The following GHRHR variants were observed in gnomAD, a reference collection of about 807,000 sequenced individuals.
The protein encoded by GHRHR is growth hormone-releasing hormone receptor.
Under a neutral mutation model 58.3 loss-of-function variants are expected in GHRHR, and 40 were observed. The ratio of observed to expected loss-of-function variants is 0.69; its 90% CI spans 0.53 to 0.89. The LOEUF (loss-of-function observed/expected upper bound fraction) is 0.89, where lower values mean the gene tolerates loss of function less well. Ranked by LOEUF, GHRHR falls within the 40% of genes least tolerant of loss-of-function variation. GHRHR has a pLI of 0.00. For synonymous variants in GHRHR, 249 were observed against 216.6 expected, an observed-to-expected ratio of 1.15 and a Z score of -1.31; for missense variants, 551 against 541.3, an observed-to-expected ratio of 1.02 and a Z score of -0.18.
In GHRHR at chr7:30,974,963, C is replaced by A; in HGVS notation, c.813-8C>A. The A allele has an allele frequency of 6.2e-7, 1 of 1,601,154 alleles. No homozygotes were observed. Among genetic ancestry groups the A allele is most frequent in the Non-Finnish European group, 8.6e-7 (1 of 1,168,180 alleles). ...TTCCAACAACGGCCTTCTTTCCTCT[C>A]TCCCCAGGTGCTGGGACCTGGACGA... On this transcript the variant is annotated splice_polypyrimidine_tract_variant and splice_region_variant and intron_variant, in intron 8 of 12. Transcript: ENST00000326139.
In GHRHR at chr7:30,969,910, C is replaced by T. The variant is rs1792446730; in HGVS notation, c.312C>T (p.Pro104=). Reference sequence around the variant, plus strand: ...GTACTATCACTGGCTGGTCTGAGCCCTTTCCACCTTACCCTGTGGCCTGCC... The same window carrying T: ...GTACTATCACTGGCTGGTCTGAGCCTTTTCCACCTTACCCTGTGGCCTGCC... ...RDCTITGWSE[P]FPPYPVACPV... The change falls in exon 4 of 13, where the codon CCC becomes CCT. Residue 104 remains proline (P), a synonymous_variant. Transcript: ENST00000326139. 1.3e-6 allele frequency: 2 copies of T among 1,598,512 alleles called. No individual in the cohort carries two copies. The highest frequency in any genetic ancestry group is 1.7e-6 in the Non-Finnish European group (2 of 1,165,714).
chr7:30,977,195 G>T, intron 11 of GHRHR, 86 bp from the exon 12 acceptor site: 1 of 1,262,750 alleles, frequency 7.9e-7, no homozygotes, highest in Non-Finnish European at 1.2e-6. Context: ...CTGGGGATGA[G>T]TAGGGAAAAG....
chr7:30,965,062 C>A (rs776664773), intron 1 of GHRHR, among the ~76,000 whole-genome samples: 63 of 152,280 alleles, frequency 4.1e-4, no homozygotes, highest in Non-Finnish European at 7.9e-4. Context: ...CTGAGTCTTG[C>A]TTTTATCTCT....
In GHRHR at chr7:30,972,113, A is replaced by C; in HGVS notation, c.597+18A>C. 1 of 1,613,450 alleles carries C rather than the reference A, an allele frequency of 6.2e-7. No homozygotes were observed. The highest frequency in any genetic ancestry group is 8.5e-7 in the Non-Finnish European group (1 of 1,179,828). ...TCTCCACTGTAATGGCCATGGGTGA[A>C]GGGGCTGGGCAGGTGGGGGAGAGAG... On this transcript the variant is annotated intron_variant, in intron 6 of 12. Transcript: ENST00000326139.
In GHRHR at chr7:30,971,155, G is replaced by C; in HGVS notation, c.403G>C (p.Val135Leu). The C allele has an allele frequency of 6.6e-7, 1 of 1,526,466 alleles. No individual in the cohort carries two copies. 94.6% of individuals were successfully genotyped at this position (1,526,466 alleles called of 1,614,324 possible). The stretch of plus-strand genomic sequence containing the variant: ...CTCCACAGTGAAGATTATCTACACC[G>C]TGGGCCATAGCATCTCTATTGTAGC... ...YFSTVKIIYT[V>L]GHSISIVALF... The change falls in exon 5 of 13, where the codon GTG becomes CTG. Residue 135 changes from valine to leucine, a missense_variant. Val to Leu is a conservative substitution (Grantham distance 32). Transcript: ENST00000326139.
chr7:30,971,348 T>C (rs1356314280), intron 5 of GHRHR, 132 bp downstream of exon 5: 11 of 699,188 alleles, frequency 1.6e-5, no homozygotes, highest in Non-Finnish European at 2.9e-5. Flanking sequence ...TAACTTTCCC[T>C]TCCCTTTTCC....
rs200623488 is a variant in GHRHR, at chr7:30,972,059, C to T, written c.561C>T (p.Phe187=). The change falls in exon 6 of 13, where the codon TTC becomes TTT. Residue 187 remains phenylalanine (F), a synonymous_variant. Coordinates refer to ENST00000326139, the MANE Select transcript of GHRHR (RefSeq NM_000823.4). ...GAVFLKDAAL[F]HSDDTDHCSF... ...TGTTCCTGAAGGATGCTGCCCTTTT[C>T]CACAGCGACGACACTGACCACTGCA... The T allele has an allele frequency of 6.8e-6, 11 of 1,614,122 alleles. No individual in the cohort carries two copies. The highest frequency in any genetic ancestry group is 9.3e-6 in the Non-Finnish European group (11 of 1,180,016).
Position 30,969,060 on chromosome 7 carries a change from C to T in GHRHR, c.161-3C>T. 1 of 1,577,746 alleles carries T rather than the reference C, an allele frequency of 6.3e-7. No homozygotes were observed. The highest frequency in any genetic ancestry group is 8.6e-7 in the Non-Finnish European group (1 of 1,160,788). On this transcript the variant is annotated splice_region_variant and splice_polypyrimidine_tract_variant and intron_variant, in intron 2 of 12. Transcript: ENST00000326139. ...TCTCTGCTGCTCCTGGCTCTCTATC[C>T]AGGCTGCCCTGCGACCTGGGATGGG...
Position 30,975,706 on chromosome 7 carries a change from G to A in GHRHR, c.883-71G>A, listed in dbSNP as rs1045579419. The A allele has an allele frequency of 2.1e-5, 18 of 847,482 alleles. No individual in the cohort carries two copies. The African/African-American group carries it at 2.7e-4, about 12-fold the overall frequency. The allele number at this position is 847,482 out of a possible 1,614,324, so 52.5% of individuals were successfully genotyped here. ...AAATTTTCTAGTCCCCAAATGGGCT[G>A]GGGCTCACCCCAGCCACCCAAGGCT... On this transcript the variant is annotated intron_variant, in intron 9 of 12. Transcript: ENST00000326139.
In GHRHR at chr7:30,968,640, C is replaced by CCCTTCCTTCCTTCCTTCCTT. The variant is rs760999972; in HGVS notation, c.58-187_58-168dup. Among the ~76,000 whole-genome samples, 122 of 81,862 alleles carry CCCTTCCTTCCTTCCTTCCTT rather than the reference C, an allele frequency of 1.5e-3. 1 individual carries two copies. In the East Asian group the frequency reaches 0.015, roughly 10 times the overall value. The allele number at this position is 81,862 out of a possible 152,430, so 53.7% of individuals were successfully genotyped here. On this transcript the variant is annotated intron_variant, in intron 1 of 12. Transcript: ENST00000326139. ...TCCCTCCCTCCCTCCCTCCCTCCCT[C>CCCTTCCTTCCTTCCTTCCTT]CCTTCCTTCCTTCCTTCCTTCCTTC... is the stretch of plus-strand genomic sequence containing the variant.
rs774400027 is a variant in GHRHR at position 30,979,171 on chromosome 7, C to G, written c.1199C>G (p.Pro400Arg). Residue 400 changes from proline to arginine, a missense_variant, in exon 13 of 13, where the codon CCA becomes CGA. By Grantham distance (103) the Pro-to-Arg change is moderately radical. Transcript: ENST00000326139. ...CATGGCCATGACCCTGAGCTTCTGC[C>G]AGCCTGGAGGACCCGTGCTAAGTGG... ...KWHGHDPELLPAWRTRAKWTT... is the reference protein window; with the variant it reads ...KWHGHDPELLRAWRTRAKWTT... 1 of 1,613,672 alleles carries G rather than the reference C, an allele frequency of 6.2e-7. No homozygotes were observed. Among genetic ancestry groups the G allele is most frequent in the Non-Finnish European group, 8.5e-7 (1 of 1,179,554 alleles).
chr7:30,968,900 C>T lies in GHRHR; in HGVS notation c.124C>T (p.Leu42=), dbSNP rs2128597172. 5.6e-6 allele frequency: 9 copies of T among 1,613,776 alleles called. No homozygotes were observed. The highest frequency in any genetic ancestry group is 5.9e-6 in the Non-Finnish European group (7 of 1,179,784). The change falls in exon 2 of 13, where the codon CTA becomes TTA. Residue 42 remains leucine (L), a synonymous_variant. Coordinates refer to ENST00000326139, the MANE Select transcript of GHRHR (RefSeq NM_000823.4). ...GCTGAGAGAGGATGAGAGTGCCTGT[C>T]TACAAGCAGCAGAGGAGATGCCCAA... The part of the protein sequence containing the change: ...TQLREDESAC[L]QAAEEMPNTT...
In GHRHR at chr7:30,974,088, C is replaced by A; in HGVS notation, c.701C>A (p.Thr234Asn). The A allele has an allele frequency of 6.2e-7, 1 of 1,614,138 alleles. No homozygotes were observed. The highest frequency in any genetic ancestry group is 1.3e-5 in the African/African-American group (1 of 75,038). ...TACCTGAACTGCCTCCTGGCCTCCACCTCCCCCAGCTCAAGGAGAGCCTTC... is the reference window on the plus strand; with the variant it reads ...TACCTGAACTGCCTCCTGGCCTCCAACTCCCCCAGCTCAAGGAGAGCCTTC... ...AVYLNCLLAS[T>N]SPSSRRAFWW... Residue 234 changes from threonine (T) to asparagine (N), a missense_variant, in exon 7 of 13, where the codon ACC becomes AAC. By Grantham distance (65) the Thr-to-Asn change is moderately conservative. Transcript: ENST00000326139.
In GHRHR at chr7:30,971,064, T is replaced by C. The variant is rs901989576; in HGVS notation, c.367-55T>C. 18 of 794,804 alleles carry C rather than the reference T, an allele frequency of 2.3e-5. No individual in the cohort carries two copies. In the East Asian group the frequency reaches 3.5e-4, roughly 15 times the overall value. 49.2% of individuals were successfully genotyped at this position (794,804 alleles called of 1,614,324 possible). A position where few individuals can be genotyped will look rare whatever the true frequency, so the allele number is the denominator to read the frequency against. On this transcript the variant is annotated intron_variant, in intron 4 of 12. Coordinates refer to ENST00000326139, the MANE Select transcript of GHRHR (RefSeq NM_000823.4). ...TTCACCTGCTTGATTGTCAAGCCTC[T>C]CTTTCCTCCAAAGGCCCAGAAGCTG... is the stretch of plus-strand genomic sequence containing the variant.
chr7:30,965,905 G>A (rs549276523), intron 1 of GHRHR, among the ~76,000 whole-genome samples: 3 of 152,326 alleles, frequency 2.0e-5, no homozygotes, highest in South Asian at 2.1e-4. Context: ...GAGACGCAAC[G>A]GGGCTCTGCC....
chr7:30,966,468 C>A (rs1251096066), intron 1 of GHRHR, among the ~76,000 whole-genome samples: 1 of 152,032 alleles, frequency 6.6e-6, no homozygotes, highest in African/African-American at 2.4e-5. Context: ...ACACCTTTTC[C>A]CACTTCCCTT....
rs369741931 is a variant in GHRHR, at chr7:30,979,250, C to G, written c.*6C>G. The G allele has an allele frequency of 1.9e-6, 3 of 1,613,454 alleles. No individual in the cohort carries two copies. Among genetic ancestry groups the G allele is most frequent in the Non-Finnish European group, 2.5e-6 (3 of 1,179,734 alleles). On this transcript the variant is annotated 3_prime_UTR_variant, in exon 13 of 13. Coordinates refer to ENST00000326139, the MANE Select transcript of GHRHR (RefSeq NM_000823.4). ...TGCTGACATCTATGTGCTAGGCTGC[C>G]TCATCACGCCACTGGAGTCCACACT... is the stretch of plus-strand genomic sequence containing the variant.
rs745989289 is a variant in GHRHR, at chr7:30,969,001, C to T, written c.161-62C>T. The T allele has an allele frequency of 2.8e-4, 436 of 1,545,574 alleles. 2 individuals are homozygous for T. Among genetic ancestry groups the T allele is most frequent in the Middle Eastern group, 1.7e-3 (10 of 5,926 alleles). Reference sequence around the variant, plus strand: ...CTTTATATCCTCCAGCCTCACCCCTCGGATTATTGGGACAGCCCTGCACCT... The same window carrying T: ...CTTTATATCCTCCAGCCTCACCCCTTGGATTATTGGGACAGCCCTGCACCT... On this transcript the variant is annotated intron_variant, in intron 2 of 12. Coordinates refer to ENST00000326139, the MANE Select transcript of GHRHR (RefSeq NM_000823.4).
Position 30,967,136 on chromosome 7 carries a change from G to A in GHRHR, c.58-1698G>A, listed in dbSNP as rs563843524. On this transcript the variant is annotated intron_variant, in intron 1 of 12. Coordinates refer to ENST00000326139, the MANE Select transcript of GHRHR (RefSeq NM_000823.4). Reference sequence around the variant, plus strand: ...GCAGAAAGTATGTTTTGTAAACTTGGCTTCCCTTGTATGTATCTGTTTGGG... The same window carrying A: ...GCAGAAAGTATGTTTTGTAAACTTGACTTCCCTTGTATGTATCTGTTTGGG... 1.2e-4 allele frequency among the ~76,000 whole-genome samples: 18 copies of A among 152,314 alleles called. No homozygotes were observed. In the South Asian group the frequency reaches 2.5e-3, roughly 21 times the overall value.
Sources: allele counts gnomAD v4.1 joint callset (sites outside exome capture counted in the v4.1 genomes callset), GRCh38; gene constraint gnomAD v4.1.1; transcripts MANE v1.5; gene names NCBI Gene and HGNC (gene_info 2026-07-23, HGNC 2026-07-21).